The following GPR176 variants were observed in gnomAD, a reference collection of about 807,000 sequenced individuals.
GPR176 encodes the protein G protein-coupled receptor 176.
GPR176 carries 26 observed loss-of-function variants against 35.4 expected under a neutral mutation model. The observed-to-expected ratio is 0.74, with a 90% confidence interval of 0.54 to 1.02. GPR176 has a LOEUF of 1.02. Ranked by LOEUF, GPR176 falls within the 50% of genes least tolerant of loss-of-function variation. GPR176 has a pLI of 0.00. For synonymous variants in GPR176, 278 were observed against 271.3 expected (o/e 1.02, Z -0.24); for missense variants, 597 against 665.3 (o/e 0.90, Z 1.13).
intron 1 of GPR176, among the ~76,000 whole-genome samples, chr15:39,880,607 T>C (rs1321383749): frequency 6.6e-6 from 1 of 152,150 alleles, no homozygotes; most frequent in Admixed American, 6.5e-5. Context: ...TTGTCTCCTA[T>C]ATACCTTATT....
intron 1 of GPR176, among the ~76,000 whole-genome samples, chr15:39,823,160 A>G (rs1900390533): frequency 6.6e-6 from 1 of 152,056 alleles, no homozygotes; most frequent in African/African-American, 2.4e-5. Flanking sequence ...TCTCTAGACT[A>G]TTTTAGGTGA....
At position 39,891,705 on chromosome 15, in the gene GPR176, G is replaced by A. The variant is rs535890879; in HGVS notation, c.172+28150C>T. On this transcript the variant is annotated intron_variant, in intron 1 of 2. Coordinates refer to ENST00000561100, the MANE Select transcript of GPR176 (RefSeq NM_007223.3). Reference sequence around the variant, plus strand: ...AAACTAAAATACAGTACTGAGTGGTGGCATATACCTGTACTACCAGCTACT... The same window carrying A: ...AAACTAAAATACAGTACTGAGTGGTAGCATATACCTGTACTACCAGCTACT... Among the ~76,000 whole-genome samples, 24 of 152,238 alleles carry A rather than the reference G, an allele frequency of 1.6e-4. 1 individual carries two copies. The South Asian group carries it at 2.7e-3, about 17-fold the overall frequency.
intron 1 of GPR176, among the ~76,000 whole-genome samples, chr15:39,858,154 T>C (rs2031362502): frequency 1.3e-5 from 2 of 151,888 alleles, no homozygotes; most frequent in South Asian, 4.2e-4. Context: ...CCAAGCAAGG[T>C]TGACCAGTCT....
At chr15:39,847,754 A>AG (rs2030548332) in intron 1 of GPR176, among the ~76,000 whole-genome samples, 2 of 151,022 alleles carry the variant, frequency 1.3e-5, no homozygotes, top group Non-Finnish European at 3.0e-5. Flanking sequence ...AAAAAAAAAA[A>AG]AAAAAAAAAA....
chr15:39,814,730 T>C (rs1251532550), intron 1 of GPR176, among the ~76,000 whole-genome samples: 1 of 152,212 alleles, frequency 6.6e-6, no homozygotes, highest in African/African-American at 2.4e-5. Flanking sequence ...AGTACTTGGT[T>C]GCACTTTTGT....
intron 2 of GPR176, among the ~76,000 whole-genome samples, chr15:39,805,839 G>A (rs1426758319): frequency 6.6e-6 from 1 of 152,178 alleles, no homozygotes; most frequent in Non-Finnish European, 1.5e-5. Context: ...TACTGCTCTG[G>A]AATCTGAGGC....
chr15:39,889,894 G>A (rs1214776183), intron 1 of GPR176, among the ~76,000 whole-genome samples: 4 of 152,074 alleles, frequency 2.6e-5, no homozygotes, highest in African/African-American at 9.7e-5. Flanking sequence ...CTCTCTAAGC[G>A]CCAGATCTAA....
At chr15:39,909,912 C>T in intron 1 of GPR176, 3 of 977,738 alleles carry the variant, frequency 3.1e-6, no homozygotes, top group Non-Finnish European at 3.6e-6. Context: ...CTTTTAAAGC[C>T]CGAACTCCCT....
intron 2 of GPR176, 141 bp from the exon 3 acceptor site, chr15:39,802,395 A>AG (rs1898941091): frequency 3.0e-6 from 2 of 661,142 alleles, no homozygotes; most frequent in Non-Finnish European, 4.9e-6. Context: ...GGGGGAATCC[A>AG]GGAAGCCAGA....
chr15:39,842,854 G>A (rs1333696064), intron 1 of GPR176, among the ~76,000 whole-genome samples: 1 of 152,112 alleles, frequency 6.6e-6, no homozygotes, highest in Non-Finnish European at 1.5e-5. Context: ...ACAAGGGGCT[G>A]AGGGAGAACT....
At chr15:39,830,184 C>T (rs764349411) in intron 1 of GPR176, among the ~76,000 whole-genome samples, 13 of 152,094 alleles carry the variant, frequency 8.5e-5, no homozygotes, top group Non-Finnish European at 1.5e-4. Context: ...CTCTTTGATA[C>T]TGAACAATCA....
chr15:39,885,821 A>G (rs914994955), intron 1 of GPR176, among the ~76,000 whole-genome samples: 1 of 152,252 alleles, frequency 6.6e-6, no homozygotes, highest in African/African-American at 2.4e-5. Flanking sequence ...GTGATGTAGA[A>G]CAAGACACTG....
chr15:39,864,978 A>C (rs1048791203), intron 1 of GPR176, among the ~76,000 whole-genome samples: 3 of 151,922 alleles, frequency 2.0e-5, no homozygotes, highest in Non-Finnish European at 4.4e-5. Context: ...AGAGAAATGC[A>C]AATTAAAACA....
chr15:39,872,486 T>C (rs1263022484), intron 1 of GPR176, among the ~76,000 whole-genome samples: 1 of 152,224 alleles, frequency 6.6e-6, no homozygotes, highest in Non-Finnish European at 1.5e-5. Flanking sequence ...CTTTATCCTC[T>C]AGGTAATGAG....
chr15:39,878,096 CTGTGTGTGTG>C (rs58251937), intron 1 of GPR176, among the ~76,000 whole-genome samples: 34 of 130,040 alleles, frequency 2.6e-4, no homozygotes, highest in South Asian at 5.5e-4. Context: ...CCATAGTTAC[CTGTGTGTGTG>C]TGTGTGTGTG....
At chr15:39,870,598 A>C (rs934726704) in intron 1 of GPR176, among the ~76,000 whole-genome samples, 3 of 152,158 alleles carry the variant, frequency 2.0e-5, no homozygotes, top group Non-Finnish European at 4.4e-5. Flanking sequence ...GGGAGGCATA[A>C]TTCTAAATTG....
chr15:39,889,119 T>C (rs1188051210), intron 1 of GPR176, among the ~76,000 whole-genome samples: 1 of 152,224 alleles, frequency 6.6e-6, no homozygotes, highest in Non-Finnish European at 1.5e-5. Flanking sequence ...CCAGTGCTCC[T>C]GACATTGCAA....
At chr15:39,846,099 TC>T (rs2030406960) in intron 1 of GPR176, among the ~76,000 whole-genome samples, 1 of 152,208 alleles carries the variant, frequency 6.6e-6, no homozygotes, top group African/African-American at 2.4e-5. Flanking sequence ...GACTTCTACA[TC>T]TGTGAAAATG....
chr15:39,802,043 T>C lies in GPR176; in HGVS notation c.637A>G (p.Thr213Ala). Residue 213 changes from threonine (T) to alanine (A), a missense_variant, in exon 3 of 3, where the codon ACG becomes GCG. Around this residue, in one of 3 missense-constraint regions of GPR176, gnomAD observed 220 missense variants for 297.6 expected, o/e 0.74. Coordinates refer to ENST00000561100, the MANE Select transcript of GPR176 (RefSeq NM_007223.3). ...ACCACCACCACAGGCACAATGACCG[T>C]GGTGATGTTATACACCAGAACGTAC... ...LVYVLVYNIT[T>A]VIVPVVVVFL... is the part of the protein sequence containing the mutation. 6.2e-7 allele frequency: 1 copy of C among 1,614,140 alleles called. No homozygotes were observed. Among genetic ancestry groups the C allele is most frequent in the Non-Finnish European group, 8.5e-7 (1 of 1,180,010 alleles).
Sources: gnomAD v4.1 joint callset for allele counts (sites outside exome capture counted in the v4.1 genomes callset) on GRCh38, gnomAD v4.1.1 for gene constraint, gnomAD v4.1.1 regional missense constraint, MANE v1.5 for transcripts, NCBI Gene and HGNC (gene_info 2026-07-23, HGNC 2026-07-21) for gene names.